CHD7: variants seen among roughly 807,000 people sequenced by gnomAD.
CHD7 encodes ATP-dependent chromatin remodeler CHD7.
Under a neutral mutation model 307.3 loss-of-function variants are expected in CHD7, and 24 were observed. The observed-to-expected ratio is 0.08, with a 90% CI of 0.06 to 0.11. The LOEUF is 0.11. CHD7 is among the 10% of genes least tolerant of loss of function. The pLI is 1.00. For synonymous variants in CHD7, 1,363 were observed against 1,349.9 expected, an observed-to-expected ratio of 1.01 and a Z score of -0.21; for missense variants, 3,106 against 3,727.1, an observed-to-expected ratio of 0.83 and a Z score of 4.34.
At chr8:60,758,600 G>A (rs1449108565) in intron 2 of CHD7, among the ~76,000 whole-genome samples, 1 of 152,072 alleles carries the variant, frequency 6.6e-6, no homozygotes, top group East Asian at 1.9e-4. Flanking sequence ...GAAGTGATTG[G>A]CTCACTTTAT....
At chr8:60,828,560 T>C in intron 13 of CHD7, 103 bp from the exon 14 acceptor site, 1 of 1,043,204 alleles carries the variant, frequency 9.6e-7, no homozygotes, top group East Asian at 2.6e-5. Context: ...TTGCATAGGG[T>C]AGATGAGTAG....
intron 3 of CHD7, among the ~76,000 whole-genome samples, chr8:60,793,657 G>A (rs1297090738): frequency 6.6e-6 from 1 of 152,190 alleles, no homozygotes; most frequent in East Asian, 1.9e-4. Flanking sequence ...ACATTTTCCT[G>A]AGAACTTACA....
intron 1 of CHD7, among the ~76,000 whole-genome samples, chr8:60,715,039 T>A (rs922884850): frequency 6.6e-6 from 1 of 152,206 alleles, no homozygotes. Flanking sequence ...TTTTTTGTGT[T>A]GGTGGGATTG....
intron 2 of CHD7, among the ~76,000 whole-genome samples, chr8:60,749,991 A>AT (rs1809553918): frequency 6.6e-6 from 1 of 152,234 alleles, no homozygotes; most frequent in Admixed American, 6.5e-5. Flanking sequence ...AGAGGTCAGA[A>AT]TTATACCAGG....
intron 6 of CHD7, among the ~76,000 whole-genome samples, chr8:60,805,989 C>T (rs1338161249): frequency 1.3e-5 from 2 of 152,064 alleles, no homozygotes; most frequent in Non-Finnish European, 2.9e-5. Flanking sequence ...TAGTTTCATC[C>T]TTGCTTCTCT....
chr8:60,769,295 C>T (rs1189033883), intron 2 of CHD7, among the ~76,000 whole-genome samples: 1 of 152,174 alleles, frequency 6.6e-6, no homozygotes. Flanking sequence ...CTCTTTTACT[C>T]CCTCAAACTG....
intron 1 of CHD7, among the ~76,000 whole-genome samples, chr8:60,704,633 GT>G (rs1238691827): frequency 6.6e-6 from 1 of 151,120 alleles, no homozygotes; most frequent in Non-Finnish European, 1.5e-5. Context: ...ATCTAGTGTG[GT>G]GTGGTCCGGC....
intron 1 of CHD7, among the ~76,000 whole-genome samples, chr8:60,682,431 G>A (rs1194623554): frequency 6.6e-6 from 1 of 152,160 alleles, no homozygotes; most frequent in Non-Finnish European, 1.5e-5. Flanking sequence ...ATTTTGTTAT[G>A]AGAAAATACA....
chr8:60,816,058 CTTG>C (rs1213733377), intron 7 of CHD7, among the ~76,000 whole-genome samples: 10 of 151,382 alleles, frequency 6.6e-5, no homozygotes, highest in East Asian at 3.9e-4. Context: ...ATGGAAATAG[CTTG>C]TTATTAGGCC....
Position 60,853,278 on chromosome 8 carries a change from G to A in CHD7, c.6553G>A (p.Glu2185Lys). The A allele has an allele frequency of 3.1e-6, 5 of 1,611,806 alleles. No homozygotes were observed. Among genetic ancestry groups the A allele is most frequent in the Non-Finnish European group, 4.2e-6 (5 of 1,178,462 alleles). Residue 2185 changes from glutamate to lysine, a missense_variant, in exon 31 of 38, where the codon GAG (glutamate) becomes AAG (lysine). By Grantham distance (56) the Glu-to-Lys change is moderately conservative (BLOSUM62 1). This residue lies in a region of CHD7 where 1,030 missense variants were observed against 1,165.4 expected (regional missense o/e 0.88). Transcript: ENST00000423902. ...VEEPENPAAK[E>K]KCEGKEEEEE... ...GGAGCCTGAAAACCCAGCTGCCAAGGAGAAATGTGAGGGCAAAGAAGAGGA... is the reference window on the plus strand; with the variant it reads ...GGAGCCTGAAAACCCAGCTGCCAAGAAGAAATGTGAGGGCAAAGAAGAGGA...
chr8:60,791,657 G>A lies in CHD7; in HGVS notation c.2097-3329G>A, dbSNP rs115881035. Among the ~76,000 whole-genome samples, 138 of 152,240 alleles carry A rather than the reference G, an allele frequency of 9.1e-4. 2 individuals carry two copies. The highest frequency in any genetic ancestry group is 3.2e-3 in the African/African-American group (133 of 41,526). Reference sequence around the variant, plus strand: ...GTGGACTCTATGTCCTTTCTCCACCGGTCTGATGTTGTATAGCCCTGCATG... The same window carrying A: ...GTGGACTCTATGTCCTTTCTCCACCAGTCTGATGTTGTATAGCCCTGCATG... On this transcript the variant is annotated intron_variant, in intron 3 of 37. Coordinates refer to ENST00000423902, the MANE Select transcript of CHD7 (RefSeq NM_017780.4).
At chr8:60,734,886 TATAAGATCATTCAATCAGTAGTGTGA>T (rs1253122413) in intron 1 of CHD7, among the ~76,000 whole-genome samples, 1 of 152,234 alleles carries the variant, frequency 6.6e-6, no homozygotes, top group Non-Finnish European at 1.5e-5. Flanking sequence ...ATCTGTGTTT[TATAAGATCATTCAATCAGTAGTGTGA>T]AAGCGTTGAG....
At chr8:60,727,281 C>T (rs902564824) in intron 1 of CHD7, among the ~76,000 whole-genome samples, 67 of 152,164 alleles carry the variant, frequency 4.4e-4, no homozygotes, top group Admixed American at 2.0e-4. Flanking sequence ...CATTTGCCAC[C>T]CCTGCCCGGC....
intron 3 of CHD7, among the ~76,000 whole-genome samples, chr8:60,793,558 G>T (rs1457827202): frequency 1.3e-5 from 2 of 152,050 alleles, no homozygotes; most frequent in Non-Finnish European, 2.9e-5. Flanking sequence ...CATGACATAT[G>T]CTTTATTCTA....
At chr8:60,808,606 C>T (rs886150604) in intron 7 of CHD7, 8 of 291,668 alleles carry the variant, frequency 2.7e-5, no homozygotes, top group East Asian at 2.1e-4. Flanking sequence ...GGCTACACTT[C>T]GTCCCTTCAC....
intron 14 of CHD7, 87 bp downstream of exon 14, chr8:60,828,893 G>A (rs574752397): frequency 1.6e-6 from 2 of 1,257,532 alleles, no homozygotes; most frequent in South Asian, 2.7e-5. Context: ...TTTAAAGTGT[G>A]ATTATATTAC....
intron 1 of CHD7, among the ~76,000 whole-genome samples, chr8:60,702,471 T>C (rs757602005): frequency 1.3e-5 from 2 of 152,238 alleles, no homozygotes; most frequent in Non-Finnish European, 2.9e-5. Flanking sequence ...TTTCCGACTT[T>C]ACAGAACAAC....
At chr8:60,809,759 A>G (rs1812711806) in intron 7 of CHD7, among the ~76,000 whole-genome samples, 1 of 152,032 alleles carries the variant, frequency 6.6e-6, no homozygotes, top group African/African-American at 2.4e-5. Flanking sequence ...CCATAAAACT[A>G]AGAGTTTTTG....
intron 2 of CHD7, among the ~76,000 whole-genome samples, chr8:60,775,223 G>A (rs1810894144): frequency 1.3e-5 from 2 of 152,050 alleles, no homozygotes; most frequent in South Asian, 4.1e-4. Flanking sequence ...AAAATTTAAT[G>A]ATTCTGAGGT....
Sources: allele counts gnomAD v4.1 joint callset (sites outside exome capture counted in the v4.1 genomes callset), GRCh38; gene constraint gnomAD v4.1.1; regional missense constraint gnomAD v4.1.1; transcripts MANE v1.5; gene names NCBI Gene and HGNC (gene_info 2026-07-23, HGNC 2026-07-21).